Variants in SLC12A7 observed in about 807,000 individuals in gnomAD.
The protein encoded by SLC12A7 is K-Cl cotransporter 4.
Under a neutral mutation model 120.6 loss-of-function variants are expected in SLC12A7, and 100 were observed. The ratio of observed to expected loss-of-function variants is 0.83; its 90% CI spans 0.71 to 0.98. SLC12A7 has a LOEUF of 0.98. SLC12A7 is among the 50% of genes least tolerant of loss of function. SLC12A7 has a pLI of 0.00. For missense variants in SLC12A7, 1,373 were observed against 1,548.1 expected, an observed-to-expected ratio of 0.89 and a Z score of 1.90; for synonymous variants, 760 against 678.0, an observed-to-expected ratio of 1.12 and a Z score of -1.88.
the SLC12A7 span, among the ~76,000 whole-genome samples, chr5:1,133,520 C>A: frequency 6.6e-6 from 1 of 152,126 alleles, no homozygotes; most frequent in Non-Finnish European, 1.5e-5. Context: ...GCAAGAGATG[C>A]GAGGGGGACC....
chr5:1,141,376 G>C, the SLC12A7 span, among the ~76,000 whole-genome samples: 2 of 152,210 alleles, frequency 1.3e-5, no homozygotes, highest in Admixed American at 1.3e-4. Context: ...TCCTCTCCCA[G>C]TCCTAATGGA....
chr5:1,111,737 G>A lies in SLC12A7; in HGVS notation c.124+131C>T, dbSNP rs1356470170. On this transcript the variant is annotated intron_variant, in intron 1 of 23. Coordinates refer to ENST00000264930, the MANE Select transcript of SLC12A7 (RefSeq NM_006598.3). ...GGGCCCTCGTGGGGGACCGAGAACA[G>A]GCGGTGGGGGCGCGGGAAGGGGCGC... The A allele has an allele frequency of 3.2e-6, 3 of 943,352 alleles. No individual in the cohort carries two copies. The African/African-American group carries it at 5.2e-5, about 16-fold the overall frequency. 58.4% of individuals were successfully genotyped at this position (943,352 alleles called of 1,614,324 possible). A position where few individuals can be genotyped will look rare whatever the true frequency, so the allele number is the denominator to read the frequency against.
At chr5:1,065,021 C>A (rs1273366110) in intron 18 of SLC12A7, among the ~76,000 whole-genome samples, 1 of 62,758 alleles carries the variant, frequency 1.6e-5, no homozygotes, top group Non-Finnish European at 3.0e-5. Flanking sequence ...TGAGGGGACA[C>A]GGGACAGTGA....
chr5:1,104,058 G>A (rs1028781478), intron 1 of SLC12A7, among the ~76,000 whole-genome samples: 1 of 152,200 alleles, frequency 6.6e-6, no homozygotes, highest in African/African-American at 2.4e-5. Context: ...GCTGCCTCTG[G>A]GCTGCGGTCG....
chr5:1,064,715 G>A (rs1452216293), intron 18 of SLC12A7, among the ~76,000 whole-genome samples: 2 of 148,950 alleles, frequency 1.3e-5, no homozygotes, highest in Non-Finnish European at 3.0e-5. Context: ...TGAGGGGACA[G>A]CGAGGAGACG....
At chr5:1,101,963 GC>G (rs1440565823) in intron 1 of SLC12A7, among the ~76,000 whole-genome samples, 1 of 152,144 alleles carries the variant, frequency 6.6e-6, no homozygotes, top group Non-Finnish European at 1.5e-5. Flanking sequence ...TCCCTGCCAA[GC>G]CCCCCAGCCA....
chr5:1,062,511 T>G (rs1050811153), intron 20 of SLC12A7, among the ~76,000 whole-genome samples: 2 of 152,204 alleles, frequency 1.3e-5, no homozygotes, highest in African/African-American at 4.8e-5. Context: ...GGAAAGGTCC[T>G]GCAGGGCAAG....
Position 1,065,359 on chromosome 5 carries a change from C to T in SLC12A7, c.2361G>A (p.Lys787=), listed in dbSNP as rs1390035629. The change falls in exon 18 of 24, where the codon AAG becomes AAA. Residue 787 remains lysine (K), a synonymous_variant. Coordinates refer to ENST00000264930, the MANE Select transcript of SLC12A7 (RefSeq NM_006598.3). ...GCCAGGCCATGAGCACCGTGTTGTG[C>T]TTCAGGCCGCCCAGGCCGGCCGACT... The part of the protein sequence containing the change: ...LIQSAGLGGL[K]HNTVLMAWPA... The T allele has an allele frequency of 1.2e-6, 2 of 1,612,200 alleles. No homozygotes were observed. Among genetic ancestry groups the T allele is most frequent in the African/African-American group, 2.7e-5 (2 of 75,020 alleles).
chr5:1,142,947 A>ACTGGGCCCTGGGCC, the SLC12A7 span, among the ~76,000 whole-genome samples: 3 of 151,316 alleles, frequency 2.0e-5, no homozygotes, highest in East Asian at 4.0e-4. Flanking sequence ...CTGGGAGGGC[A>ACTGGGCCCTGGGCC]CTGGGCCCTG....
chr5:1,147,052 A>G, the SLC12A7 span, among the ~76,000 whole-genome samples: 9 of 152,290 alleles, frequency 5.9e-5, no homozygotes, highest in African/African-American at 2.2e-4. Flanking sequence ...CGTTCACACA[A>G]TGTCCTCAGC....
chr5:1,108,520 G>A (rs573756736), intron 1 of SLC12A7, among the ~76,000 whole-genome samples: 11 of 152,144 alleles, frequency 7.2e-5, no homozygotes, highest in East Asian at 1.9e-4. Flanking sequence ...CTCCTGCTCC[G>A]ACTGCCTCCC....
chr5:1,151,442 C>T, the SLC12A7 span, among the ~76,000 whole-genome samples: 1 of 152,222 alleles, frequency 6.6e-6, no homozygotes, highest in Admixed American at 6.5e-5. The surrounding 1 kb of genome is among the most constrained non-coding windows in gnomAD (Gnocchi z 6.2). Context: ...TTCCTTTGGC[C>T]TCCCAGAGTG....
At chr5:1,143,006 C>T in the SLC12A7 span, among the ~76,000 whole-genome samples, 36 of 151,838 alleles carry the variant, frequency 2.4e-4, no homozygotes, top group Admixed American at 2.0e-3. Flanking sequence ...GGCTGAGAGG[C>T]GGCCAAAGAA....
chr5:1,086,715 C>T (rs1023950599), intron 6 of SLC12A7, among the ~76,000 whole-genome samples, 188 bp downstream of exon 6: 1 of 152,228 alleles, frequency 6.6e-6, no homozygotes, highest in South Asian at 2.1e-4. Flanking sequence ...GGACACAGGT[C>T]GCTGCTGAGT....
the SLC12A7 span, among the ~76,000 whole-genome samples, chr5:1,126,456 T>C: frequency 2.6e-5 from 4 of 152,264 alleles, no homozygotes; most frequent in Non-Finnish European, 5.9e-5. Context: ...TTTTAAATTG[T>C]TTAGTTTTTT....
intron 3 of SLC12A7, among the ~76,000 whole-genome samples, chr5:1,090,293 G>A (rs1182961658): frequency 6.6e-6 from 1 of 152,230 alleles, no homozygotes; most frequent in Non-Finnish European, 1.5e-5. Flanking sequence ...CCAACTTTAG[G>A]ACCCTGGGAA....
intron 22 of SLC12A7, 141 bp from the exon 23 acceptor site, chr5:1,053,623 C>T: frequency 8.6e-7 from 1 of 1,159,890 alleles, no homozygotes; most frequent in Non-Finnish European, 1.2e-6. Context: ...TTCTCTGACC[C>T]TGAAGGATGC....
At chr5:1,075,826 T>C (rs913420319) in intron 14 of SLC12A7, 16 of 505,964 alleles carry the variant, frequency 3.2e-5, no homozygotes, top group East Asian at 1.9e-4. Context: ...ACAGCCCTGA[T>C]GGGCTACGCC....
chr5:1,061,290 A>G (rs376103813), intron 20 of SLC12A7, among the ~76,000 whole-genome samples: 42 of 2,224 alleles, frequency 0.019, 5 homozygotes, highest in African/African-American at 0.019. Context: ...CCTGCCGTGC[A>G]GGATCCCTGA....
Sources: gnomAD v4.1 joint callset for allele counts (sites outside exome capture counted in the v4.1 genomes callset) on GRCh38, gnomAD v4.1.1 for gene constraint, Gnocchi (gnomAD v3.1) non-coding constraint, MANE v1.5 for transcripts, NCBI Gene and HGNC (gene_info 2026-07-23, HGNC 2026-07-21) for gene names.